Variants in FMNL2 observed in about 807,000 individuals in gnomAD.
The protein encoded by FMNL2 is formin-like protein 2.
Under a neutral mutation model 130.2 loss-of-function variants are expected in FMNL2, and 51 were observed. The ratio of observed to expected loss-of-function variants is 0.39; its 90% CI spans 0.31 to 0.49. FMNL2 has a LOEUF of 0.49. Ranked by LOEUF, FMNL2 falls within the 20% of genes least tolerant of loss-of-function variation. The probability of loss-of-function intolerance (pLI) is 0.85; values close to 1 mark genes in which losing one functional copy is unlikely to be tolerated. For synonymous variants in FMNL2, 465 were observed against 467.1 expected (o/e 1.00, Z 0.06); for missense variants, 977 against 1,316.2 (o/e 0.74, Z 3.99).
intron 1 of FMNL2, among the ~76,000 whole-genome samples, chr2:152,438,138 G>T (rs1687863993): frequency 6.6e-6 from 1 of 152,198 alleles, no homozygotes; most frequent in Admixed American, 6.5e-5. Context: ...GGAAAAATTG[G>T]ATAAAAAGTG....
chr2:152,440,817 T>TGG (rs1688011944), intron 1 of FMNL2, among the ~76,000 whole-genome samples: 2 of 152,216 alleles, frequency 1.3e-5, no homozygotes, highest in Non-Finnish European at 2.9e-5. Flanking sequence ...AGGGAGGACT[T>TGG]TTGTGGGAAT....
intron 1 of FMNL2, among the ~76,000 whole-genome samples, chr2:152,386,323 C>A (rs1667888974): frequency 6.6e-6 from 1 of 152,136 alleles, no homozygotes; most frequent in Admixed American, 6.5e-5. Flanking sequence ...GGAGTGTGGT[C>A]CAGACCTCAT....
rs1321796582 is a variant in FMNL2 at position 152,648,563 on chromosome 2, A to C, written c.*658A>C. Reference sequence around the variant, plus strand: ...GATATAGTGTATAAGACTTATTTGCAGTACTGTGTTCTTCAGCTAGAGGCA... The same window carrying C: ...GATATAGTGTATAAGACTTATTTGCCGTACTGTGTTCTTCAGCTAGAGGCA... On this transcript the variant is annotated 3_prime_UTR_variant, in exon 26 of 26. Transcript: ENST00000288670. The C allele has an allele frequency of 6.6e-6, 1 of 152,606 alleles. No individual in the cohort carries two copies. The highest frequency in any genetic ancestry group is 1.9e-4 in the East Asian group (1 of 5,204). The allele number at this position is 152,606 out of a possible 1,614,324, so 9.5% of individuals were successfully genotyped here.
At chr2:152,640,100 T>C (rs1682954219) in intron 24 of FMNL2, 44 bp downstream of exon 24, 1 of 1,482,778 alleles carries the variant, frequency 6.7e-7, no homozygotes, top group African/African-American at 1.4e-5. Context: ...GAGGAGAGGC[T>C]GAGAGGGCTC....
chr2:152,574,541 T>C (rs1369044514), intron 6 of FMNL2, among the ~76,000 whole-genome samples: 2 of 152,160 alleles, frequency 1.3e-5, no homozygotes, highest in East Asian at 3.8e-4. Flanking sequence ...AATATGACAC[T>C]GTAGAGAATA....
chr2:152,623,408 C>T (rs1036030262), intron 15 of FMNL2, among the ~76,000 whole-genome samples: 2 of 152,082 alleles, frequency 1.3e-5, no homozygotes, highest in South Asian at 2.1e-4. Context: ...GACACTGTGG[C>T]GTAGTGGGGA....
intron 1 of FMNL2, among the ~76,000 whole-genome samples, chr2:152,337,279 C>G (rs1046119886): frequency 6.6e-6 from 1 of 152,152 alleles, no homozygotes; most frequent in Non-Finnish European, 1.5e-5. Context: ...CAGAGACAAA[C>G]GTTTTTCTTC....
At chr2:152,638,453 CCA>C (rs1682805176) in intron 23 of FMNL2, among the ~76,000 whole-genome samples, 1 of 152,152 alleles carries the variant, frequency 6.6e-6, no homozygotes, top group Admixed American at 6.5e-5. Context: ...GCAGGGTTCT[CCA>C]CACTTTTGAG....
intron 2 of FMNL2, among the ~76,000 whole-genome samples, chr2:152,541,219 C>G (rs6721601): frequency 6.6e-6 from 1 of 151,906 alleles, no homozygotes; most frequent in African/African-American, 2.4e-5. Flanking sequence ...TGCAGTGGCA[C>G]GATCAGGGCT....
At chr2:152,368,069 C>G (rs4664575) in intron 1 of FMNL2, among the ~76,000 whole-genome samples, 8,740 of 152,286 alleles carry the variant, frequency 0.057, 546 homozygotes, top group Admixed American at 0.2. Context: ...AGCTCAGGAA[C>G]ATGGCCTCTC....
chr2:152,426,324 G>A (rs148382198), intron 1 of FMNL2, among the ~76,000 whole-genome samples: 142 of 152,296 alleles, frequency 9.3e-4, no homozygotes, highest in African/African-American at 3.3e-3. Context: ...GACCTTTTAA[G>A]CACTGGTAGC....
At chr2:152,611,199 C>T (rs1025141752) in intron 10 of FMNL2, among the ~76,000 whole-genome samples, 3 of 152,122 alleles carry the variant, frequency 2.0e-5, no homozygotes, top group Non-Finnish European at 4.4e-5. Flanking sequence ...ATTAGCTGGG[C>T]GTGGTGGCAC....
intron 1 of FMNL2, among the ~76,000 whole-genome samples, chr2:152,344,780 A>G (rs1314024339): frequency 1.3e-5 from 2 of 152,194 alleles, no homozygotes; most frequent in African/African-American, 2.4e-5. Context: ...TGGTTTTACC[A>G]TTTACAAAGA....
chr2:152,366,121 TGG>T (rs1683519722), intron 1 of FMNL2, among the ~76,000 whole-genome samples: 1 of 151,850 alleles, frequency 6.6e-6, no homozygotes, highest in Non-Finnish European at 1.5e-5. Context: ...CCCAGAAATT[TGG>T]AAGATTACTG....
chr2:152,611,491 T>G lies in FMNL2; in HGVS notation c.952-4T>G. ...CATCTAACCCCTTGACAATTTCATT[T>G]CAGGTGGCTTCTATGCAGTTTATTA... On this transcript the variant is annotated splice_polypyrimidine_tract_variant and splice_region_variant and intron_variant, in intron 10 of 25. Transcript: ENST00000288670. The G allele has an allele frequency of 6.4e-7, 1 of 1,562,476 alleles. No homozygotes were observed. Among genetic ancestry groups the G allele is most frequent in the South Asian group, 1.2e-5 (1 of 85,764 alleles).
At chr2:152,573,155 A>G in intron 6 of FMNL2, among the ~76,000 whole-genome samples, 1 of 152,234 alleles carries the variant, frequency 6.6e-6, no homozygotes, top group South Asian at 2.1e-4. Flanking sequence ...AAAGATTTAA[A>G]AAGAGAAACT....
intron 1 of FMNL2, among the ~76,000 whole-genome samples, chr2:152,504,427 C>T (rs111841519): frequency 0.073 from 11,111 of 151,696 alleles, 653 homozygotes; most frequent in Admixed American, 0.21. Flanking sequence ...TTTTATTTTT[C>T]GTAGAGATGG....
intron 1 of FMNL2, among the ~76,000 whole-genome samples, chr2:152,486,637 A>G (rs1338401343): frequency 2.6e-5 from 4 of 152,238 alleles, no homozygotes; most frequent in Non-Finnish European, 4.4e-5. Context: ...TTAGTCCGTA[A>G]CAGTGCTTTG....
chr2:152,398,827 A>G (rs2105953894), intron 1 of FMNL2, among the ~76,000 whole-genome samples: 2 of 152,370 alleles, frequency 1.3e-5, no homozygotes, highest in Middle Eastern at 3.4e-3. Flanking sequence ...ACAAGGCATA[A>G]CATGGTACTT....
Sources: gnomAD v4.1 joint callset for allele counts (sites outside exome capture counted in the v4.1 genomes callset) on GRCh38, gnomAD v4.1.1 for gene constraint, MANE v1.5 for transcripts, NCBI Gene and HGNC (gene_info 2026-07-23, HGNC 2026-07-21) for gene names.